Variants in FGF14 observed in about 807,000 individuals in gnomAD.
FGF14 encodes fibroblast growth factor 14, also known as fibroblast growth factor homologous factor 4.
A neutral mutation model predicts 25.5 loss-of-function variants in FGF14; 5 were observed. The ratio of observed to expected loss-of-function variants is 0.20; its 90% confidence interval spans 0.10 to 0.41. The LOEUF is 0.41. FGF14 is among the 10% of genes least tolerant of loss of function. The pLI is 1.00. For missense variants in FGF14, 222 were observed against 320.1 expected (o/e 0.69, Z 2.34); for synonymous variants, 138 against 118.3 (o/e 1.17, Z -1.08).
At chr13:102,091,683 T>C (rs9513978) in intron 1 of FGF14, among the ~76,000 whole-genome samples, 58,989 of 151,722 alleles carry the variant, frequency 0.39, 13,446 homozygotes, top group Non-Finnish European at 0.51. Context: ...TGAGTTTGAG[T>C]TTCACTAGAC....
chr13:101,754,739 AAAT>A (rs1037412420), intron 3 of FGF14, among the ~76,000 whole-genome samples: 11 of 152,132 alleles, frequency 7.2e-5, no homozygotes, highest in Non-Finnish European at 1.2e-4. Flanking sequence ...AAAAAGAAAA[AAAT>A]AATAATAATT....
Position 102,400,603 on chromosome 13 carries a change from A to C in FGF14, c.208+868T>G, listed in dbSNP as rs1169809502. On this transcript the variant is annotated intron_variant, in intron 1 of 4. Coordinates refer to the FGF14 transcript ENST00000376131. This position sits in a 1 kb window ranked among gnomAD's most constrained non-coding sequence, Gnocchi z 4.3. ...GGAACCCCTGGGATCCGACTCCCCA[A>C]ATCAGATGCATTTGCATTTCTTATG... Among the ~76,000 whole-genome samples, 2 of 152,168 alleles carry C rather than the reference A, an allele frequency of 1.3e-5. No homozygotes were observed. The highest frequency in any genetic ancestry group is 4.8e-5 in the African/African-American group (2 of 41,446).
intron 1 of FGF14, among the ~76,000 whole-genome samples, chr13:102,072,069 G>A (rs553582870): frequency 1.1e-4 from 16 of 152,322 alleles, no homozygotes; most frequent in African/African-American, 3.8e-4. Context: ...AGAGCTCACT[G>A]CTGTGATAAA....
At chr13:102,099,353 G>A (rs9513982) in intron 1 of FGF14, among the ~76,000 whole-genome samples, 58,816 of 152,118 alleles carry the variant, frequency 0.39, 13,503 homozygotes, top group Non-Finnish European at 0.51. Flanking sequence ...CTCTTGCACC[G>A]CTAAGCACTG....
chr13:102,376,579 G>T (rs1324348986), intron 1 of FGF14, among the ~76,000 whole-genome samples: 1 of 152,078 alleles, frequency 6.6e-6, no homozygotes, highest in Admixed American at 6.6e-5. Flanking sequence ...TATACACAAT[G>T]GTCTGGTCTA....
chr13:102,262,939 T>G (rs542661674), intron 1 of FGF14: 49 of 408,182 alleles, frequency 1.2e-4, no homozygotes, highest in Admixed American at 9.2e-4. Context: ...CAACAAAACA[T>G]GTCCAACTCT....
At chr13:101,828,402 A>G (rs1012176289) in intron 3 of FGF14, among the ~76,000 whole-genome samples, 6 of 152,046 alleles carry the variant, frequency 3.9e-5, no homozygotes, top group African/African-American at 1.2e-4. Context: ...AACTGTTTCT[A>G]TGACCAAATG....
At chr13:101,912,817 A>G (rs1159290579) in intron 1 of FGF14, among the ~76,000 whole-genome samples, 1 of 152,144 alleles carries the variant, frequency 6.6e-6, no homozygotes, top group Non-Finnish European at 1.5e-5. Flanking sequence ...CTCTGGTTCA[A>G]GGATACTTTC....
intron 3 of FGF14, among the ~76,000 whole-genome samples, chr13:101,838,703 T>C (rs1418760762): frequency 2.6e-5 from 4 of 152,048 alleles, no homozygotes; most frequent in African/African-American, 9.7e-5. Context: ...ATTGCTGTAA[T>C]ATGACCTTGA....
chr13:101,756,170 AC>A, intron 3 of FGF14, among the ~76,000 whole-genome samples: 1 of 152,318 alleles, frequency 6.6e-6, no homozygotes, highest in East Asian at 1.9e-4. Flanking sequence ...TCAAAGACTT[AC>A]CTTTTTCCAA....
At chr13:101,728,410 G>T (rs1378987098) in intron 3 of FGF14, among the ~76,000 whole-genome samples, 1 of 152,072 alleles carries the variant, frequency 6.6e-6, no homozygotes, top group Non-Finnish European at 1.5e-5. Context: ...TTTCTACTGA[G>T]TTCTGCATCT....
chr13:102,025,088 G>C (rs1441310065), intron 1 of FGF14, among the ~76,000 whole-genome samples: 1 of 151,262 alleles, frequency 6.6e-6, no homozygotes, highest in Non-Finnish European at 1.5e-5. Flanking sequence ...CATACTTCTT[G>C]ATTTGGTTTG....
Position 102,028,678 on chromosome 13 carries a change from C to T in FGF14, c.209-153382G>A, listed in dbSNP as rs1433555924. On this transcript the variant is annotated intron_variant, in intron 1 of 4. Transcript: ENST00000376131. Reference sequence around the variant, plus strand: ...CTGAGAAAATTAGGTATTATACTGACCCCAAGTTTTCATGTCAGGGAATAT... The same window carrying T: ...CTGAGAAAATTAGGTATTATACTGATCCCAAGTTTTCATGTCAGGGAATAT... Among the ~76,000 whole-genome samples, 4 of 151,944 alleles carry T rather than the reference C, an allele frequency of 2.6e-5. No individual in the cohort carries two copies. The South Asian group carries it at 8.3e-4, about 32-fold the overall frequency.
At chr13:102,150,599 G>C (rs1027719551) in intron 1 of FGF14, among the ~76,000 whole-genome samples, 1 of 152,130 alleles carries the variant, frequency 6.6e-6, no homozygotes, top group African/African-American at 2.4e-5. Context: ...AAAAGATAAG[G>C]AAGATAAGGA....
chr13:102,223,404 C>A (rs1370591457), intron 1 of FGF14, among the ~76,000 whole-genome samples: 3 of 152,132 alleles, frequency 2.0e-5, no homozygotes, highest in Non-Finnish European at 4.4e-5. Context: ...CAATTAATTC[C>A]ATTTTCAGTG....
intron 1 of FGF14, among the ~76,000 whole-genome samples, chr13:102,084,930 C>T (rs1188362892): frequency 6.6e-6 from 1 of 152,164 alleles, no homozygotes; most frequent in Non-Finnish European, 1.5e-5. Context: ...TCAATGCCTC[C>T]TACTATCACA....
chr13:102,270,766 T>C (rs1000419229), intron 1 of FGF14, among the ~76,000 whole-genome samples: 4 of 152,184 alleles, frequency 2.6e-5, no homozygotes, highest in Admixed American at 6.5e-5. Flanking sequence ...TTGTTTGTCT[T>C]AATGTTTTTC....
intron 1 of FGF14, among the ~76,000 whole-genome samples, chr13:102,190,603 C>T (rs2049081965): frequency 6.6e-6 from 1 of 152,062 alleles, no homozygotes; most frequent in Non-Finnish European, 1.5e-5. Flanking sequence ...AGCTCCAAAT[C>T]CCACCTTACA....
intron 1 of FGF14, among the ~76,000 whole-genome samples, chr13:101,974,321 T>A (rs1416560322): frequency 6.6e-6 from 1 of 152,158 alleles, no homozygotes; most frequent in Non-Finnish European, 1.5e-5. Context: ...TCAGAGAGAT[T>A]AAGTAAAACG....
Sources: allele counts gnomAD v4.1 joint callset (sites outside exome capture counted in the v4.1 genomes callset), GRCh38; gene constraint gnomAD v4.1.1; non-coding constraint Gnocchi (gnomAD v3.1); transcripts MANE v1.5; gene names NCBI Gene and HGNC (gene_info 2026-07-23, HGNC 2026-07-21).